Variants in PTPRD observed in about 807,000 individuals in gnomAD.
PTPRD encodes protein tyrosine phosphatase receptor type D, also known as receptor-type tyrosine-protein phosphatase delta.
Under a neutral mutation model 214.5 loss-of-function variants are expected in PTPRD, and 34 were observed. The observed-to-expected ratio is 0.16, with a 90% CI of 0.12 to 0.21. The LOEUF is 0.21. PTPRD is among the 10% of genes least tolerant of loss of function. PTPRD has a pLI of 1.00. For synonymous variants in PTPRD, 1,128 were observed against 845.7 expected, an observed-to-expected ratio of 1.33 and a Z score of -5.79; for missense variants, 2,545 against 2,398.7, an observed-to-expected ratio of 1.06 and a Z score of -1.27.
intron 9 of PTPRD, among the ~76,000 whole-genome samples, chr9:9,224,525 C>G (rs1196065544): frequency 6.6e-6 from 1 of 151,884 alleles, no homozygotes; most frequent in African/African-American, 2.4e-5. Context: ...AATATCTCTG[C>G]TCTAGTTTAG....
chr9:9,564,028 A>G (rs2083652342), intron 8 of PTPRD, among the ~76,000 whole-genome samples: 1 of 152,060 alleles, frequency 6.6e-6, no homozygotes, highest in Non-Finnish European at 1.5e-5. Context: ...GTTGTTTTAT[A>G]TTTACCAAGT....
chr9:9,188,636 G>A (rs760136247), intron 9 of PTPRD, among the ~76,000 whole-genome samples: 4 of 152,008 alleles, frequency 2.6e-5, no homozygotes, highest in Admixed American at 6.6e-5. Context: ...TTGACTGGTA[G>A]AAGAATGATG....
At chr9:9,414,147 A>T (rs1587735511) in intron 8 of PTPRD, among the ~76,000 whole-genome samples, 1 of 152,364 alleles carries the variant, frequency 6.6e-6, no homozygotes, top group East Asian at 1.9e-4. Context: ...TATCTTTTTC[A>T]CATACATCTC....
intron 14 of PTPRD, among the ~76,000 whole-genome samples, chr9:8,545,644 A>C (rs1258092885): frequency 2.0e-5 from 3 of 152,156 alleles, no homozygotes; most frequent in Non-Finnish European, 2.9e-5. Context: ...GTGTTTGACT[A>C]TTTTCAATAA....
At chr9:9,058,588 T>C (rs1234193559) in intron 10 of PTPRD, among the ~76,000 whole-genome samples, 1 of 150,990 alleles carries the variant, frequency 6.6e-6, no homozygotes, top group African/African-American at 2.4e-5. Flanking sequence ...TAGCTGGGAC[T>C]ACAGGCTCCC....
intron 5 of PTPRD, among the ~76,000 whole-genome samples, chr9:9,871,706 C>T (rs2065490726): frequency 6.6e-6 from 1 of 151,552 alleles, no homozygotes. Context: ...AGAGGGTATG[C>T]AACCTAACCT....
rs1320616956 is a variant in PTPRD, at chr9:9,601,147, G to A, written c.-286-26366C>T. Among the ~76,000 whole-genome samples the A allele has an allele frequency of 9.6e-3, 1,017 of 105,762 alleles. 24 individuals are homozygous for A. The highest frequency in any genetic ancestry group is 0.044 in the African/African-American group (963 of 22,108). 69.4% of individuals were successfully genotyped at this position (105,762 alleles called of 152,430 possible). ...TGTGTGTGTGTGTGTGTGTGTGTGT[G>A]TGTATGGGGGGGGGAGAGTGGGGAG... On this transcript the variant is annotated intron_variant, in intron 7 of 45. Transcript: ENST00000381196.
rs191962542 is a variant in PTPRD, at chr9:9,684,396, A to C, written c.-287+50137T>G. 8.2e-3 allele frequency among the ~76,000 whole-genome samples: 1,240 copies of C among 151,756 alleles called. 14 individuals carry two copies. Among genetic ancestry groups the C allele is most frequent in the African/African-American group, 0.028 (1,179 of 41,476 alleles). On this transcript the variant is annotated intron_variant, in intron 7 of 45. Coordinates refer to ENST00000381196, the MANE Select transcript of PTPRD (RefSeq NM_002839.4). Reference sequence around the variant, plus strand: ...ATATTTTACTGAGGCATTTTGAACAACAGATGTTAATTTTCCAGATTAGTT... The same window carrying C: ...ATATTTTACTGAGGCATTTTGAACACCAGATGTTAATTTTCCAGATTAGTT...
rs2096366341 is a variant in PTPRD at position 8,460,493 on chromosome 9, C to A, written c.3793G>T (p.Glu1265Ter). Reference protein sequence around the residue: ...LDPQPITDEEEGLIWVVGPVL... With the variant: ...LDPQPITDEE ...GGACCTACAACCCAGATCAAGCCTT[C>A]TTCTTCATCCGTGATTGGCTGCGGA... Residue 1265 changes from glutamate to a stop codon, truncating the protein, a stop_gained, in exon 33 of 46, where the codon GAA becomes TAA. Coordinates refer to ENST00000381196, the MANE Select transcript of PTPRD (RefSeq NM_002839.4). LOFTEE classifies it high-confidence loss of function. The A allele has an allele frequency of 6.2e-7, 1 of 1,613,568 alleles. No individual in the cohort carries two copies. Among genetic ancestry groups the A allele is most frequent in the Non-Finnish European group, 8.5e-7 (1 of 1,179,678 alleles).
intron 12 of PTPRD, 39 bp from the exon 13 acceptor site, chr9:8,636,883 T>C (rs757039410): frequency 6.2e-7 from 1 of 1,602,010 alleles, no homozygotes; most frequent in Admixed American, 1.7e-5. Context: ...AATTGAAAAC[T>C]GAAATACAGA....
Position 9,629,548 on chromosome 9 carries a change from A to C in PTPRD, c.-286-54767T>G, listed in dbSNP as rs1457594020. Among the ~76,000 whole-genome samples the C allele has an allele frequency of 2.0e-5, 3 of 152,090 alleles. No individual in the cohort carries two copies. The East Asian group carries it at 5.8e-4, about 29-fold the overall frequency. ...TATAGCTGAGAAATTAAATGCACAAAATACTTCACTTTAAAATTCCAAGAC... is the reference window on the plus strand; with the variant it reads ...TATAGCTGAGAAATTAAATGCACAACATACTTCACTTTAAAATTCCAAGAC... On this transcript the variant is annotated intron_variant, in intron 7 of 45. Coordinates refer to ENST00000381196, the MANE Select transcript of PTPRD (RefSeq NM_002839.4).
chr9:10,431,688 C>G (rs1381207744), intron 2 of PTPRD, among the ~76,000 whole-genome samples: 1 of 152,082 alleles, frequency 6.6e-6, no homozygotes, highest in African/African-American at 2.4e-5. Flanking sequence ...TGAAAAAATG[C>G]TCGTCATCAC....
At chr9:8,589,891 G>C (rs1594709565) in intron 14 of PTPRD, among the ~76,000 whole-genome samples, 2 of 152,252 alleles carry the variant, frequency 1.3e-5, no homozygotes, top group East Asian at 3.9e-4. Context: ...ACGTATATTT[G>C]CAAATTTGGA....
intron 3 of PTPRD, among the ~76,000 whole-genome samples, chr9:10,062,378 G>A (rs2097790300): frequency 6.6e-6 from 1 of 152,118 alleles, no homozygotes; most frequent in Non-Finnish European, 1.5e-5. Flanking sequence ...GGCCAAGGTG[G>A]GAGGATTACC....
chr9:9,177,326 G>T (rs956086362), intron 10 of PTPRD, among the ~76,000 whole-genome samples: 2 of 151,952 alleles, frequency 1.3e-5, no homozygotes, highest in African/African-American at 4.8e-5. Context: ...TGACATGTGG[G>T]GATTATGGGG....
intron 10 of PTPRD, among the ~76,000 whole-genome samples, chr9:9,163,899 C>G (rs1195596513): frequency 1.3e-5 from 2 of 152,132 alleles, no homozygotes; most frequent in East Asian, 1.9e-4. Flanking sequence ...TAGCACCCCT[C>G]TTTTCTATTT....
chr9:8,698,764 T>C (rs2097994195), intron 12 of PTPRD, among the ~76,000 whole-genome samples: 2 of 152,152 alleles, frequency 1.3e-5, no homozygotes, highest in Non-Finnish European at 2.9e-5. Flanking sequence ...CGCAGGAAAC[T>C]AGATAGCTTG....
chr9:8,975,555 A>G (rs2099263617), intron 11 of PTPRD, among the ~76,000 whole-genome samples: 1 of 152,032 alleles, frequency 6.6e-6, no homozygotes, highest in Admixed American at 6.6e-5. Flanking sequence ...TTAATGTTAT[A>G]TTAATGACAA....
chr9:9,772,072 G>GTAT (rs2098756338), intron 5 of PTPRD, among the ~76,000 whole-genome samples: 1 of 152,092 alleles, frequency 6.6e-6, no homozygotes, highest in South Asian at 2.1e-4. Context: ...GAGTATAAGT[G>GTAT]TATTTAGAGA....
Sources: allele counts gnomAD v4.1 joint callset (sites outside exome capture counted in the v4.1 genomes callset), GRCh38; gene constraint gnomAD v4.1.1; transcripts MANE v1.5; gene names NCBI Gene and HGNC (gene_info 2026-07-23, HGNC 2026-07-21).